IGF2BP3: variants seen among roughly 807,000 people sequenced by gnomAD.
The protein encoded by IGF2BP3 is insulin like growth factor 2 mRNA binding protein 3, also known as insulin-like growth factor 2 mRNA-binding protein 3.
Under a neutral mutation model 73.8 loss-of-function variants are expected in IGF2BP3, and 9 were observed. The ratio of observed to expected loss-of-function variants is 0.12; its 90% CI spans 0.07 to 0.21. The LOEUF (loss-of-function observed/expected upper bound fraction) is 0.21, where lower values mean the gene tolerates loss of function less well. IGF2BP3 is among the 10% of genes least tolerant of loss of function. The probability of loss-of-function intolerance (pLI) is 1.00; values close to 1 mark genes in which losing one functional copy is unlikely to be tolerated. For synonymous variants in IGF2BP3, 258 were observed against 256.7 expected (o/e 1.01, Z -0.05); for missense variants, 542 against 714.0 (o/e 0.76, Z 2.75).
At chr7:23,376,632 C>T (rs900057311) in intron 3 of IGF2BP3, among the ~76,000 whole-genome samples, 47 of 152,018 alleles carry the variant, frequency 3.1e-4, no homozygotes, top group Non-Finnish European at 1.8e-4. Flanking sequence ...TTGGGAGGCC[C>T]GAGGCAGGCG....
chr7:23,415,490 C>A (rs1787162963), intron 3 of IGF2BP3: 1 of 241,940 alleles, frequency 4.1e-6, no homozygotes, highest in Admixed American at 6.4e-5. Context: ...TCCGCAGGTC[C>A]CCCTCCGTCA....
At chr7:23,443,102 A>AT (rs34674050) in intron 2 of IGF2BP3, among the ~76,000 whole-genome samples, 4,482 of 85,840 alleles carry the variant, frequency 0.052, 998 homozygotes, top group African/African-American at 0.14. Context: ...CATTACAGTG[A>AT]TTTTTTTTTT....
chr7:23,431,388 T>A (rs558141802), intron 2 of IGF2BP3: 2 of 152,160 alleles, frequency 1.3e-5, no homozygotes, highest in Non-Finnish European at 2.9e-5. Flanking sequence ...AAAATTCCTA[T>A]AGATTTTATA....
chr7:23,310,976 G>C lies in IGF2BP3; in HGVS notation c.*1386C>G, dbSNP rs1354301499. ...TGAGCAAATGAGTTCGTTATCAAAG[G>C]TCATATGTTTTCACAGTCATTCAAA... On this transcript the variant is annotated 3_prime_UTR_variant, in exon 15 of 15. Coordinates refer to ENST00000258729, the MANE Select transcript of IGF2BP3 (RefSeq NM_006547.3). The C allele has an allele frequency of 6.6e-6, 1 of 152,060 alleles. No homozygotes were observed. Among genetic ancestry groups the C allele is most frequent in the African/African-American group, 2.4e-5 (1 of 41,402 alleles). The allele number at this position is 152,060 out of a possible 1,614,324, so 9.4% of individuals were successfully genotyped here. A position where few individuals can be genotyped will look rare whatever the true frequency, so the allele number is the denominator to read the frequency against.
chr7:23,416,542 T>C (rs1039831613), intron 3 of IGF2BP3, among the ~76,000 whole-genome samples: 1 of 152,258 alleles, frequency 6.6e-6, no homozygotes, highest in Non-Finnish European at 1.5e-5. Flanking sequence ...GTTGAACCTA[T>C]TGAGATAAGA....
In IGF2BP3 at chr7:23,322,041, T is replaced by C. The variant is rs1220010639; in HGVS notation, c.1204-2787A>G. The stretch of plus-strand genomic sequence containing the variant: ...CCTCTCCTTCTCCAAAGGAACACAG[T>C]TCCTCACCAGCAACAGAGCAAAGCT... On this transcript the variant is annotated intron_variant, in intron 10 of 14. Transcript: ENST00000258729. 4.6e-5 allele frequency among the ~76,000 whole-genome samples: 7 copies of C among 152,208 alleles called. No individual in the cohort carries two copies. In the East Asian group the frequency reaches 1.2e-3, roughly 25 times the overall value.
intron 3 of IGF2BP3, among the ~76,000 whole-genome samples, chr7:23,387,425 G>A (rs1173674715): frequency 6.6e-6 from 1 of 152,152 alleles, no homozygotes; most frequent in Non-Finnish European, 1.5e-5. Flanking sequence ...ACAGATAAAG[G>A]ATATTAGGTA....
chr7:23,413,876 T>G (rs748349111), intron 3 of IGF2BP3: 1 of 152,008 alleles, frequency 6.6e-6, no homozygotes, highest in Non-Finnish European at 1.5e-5. Flanking sequence ...TAGCAGTGAG[T>G]CCTTCAGAAA....
chr7:23,455,818 T>C (rs963330646), intron 2 of IGF2BP3, among the ~76,000 whole-genome samples: 2 of 152,110 alleles, frequency 1.3e-5, no homozygotes, highest in Non-Finnish European at 2.9e-5. Flanking sequence ...CCTGAGTAAC[T>C]GGGACTACAG....
At chr7:23,332,880 G>A (rs1784478159) in intron 10 of IGF2BP3, among the ~76,000 whole-genome samples, 2 of 152,140 alleles carry the variant, frequency 1.3e-5, no homozygotes, top group Non-Finnish European at 2.9e-5. Flanking sequence ...AAAATTAAGG[G>A]TGGGATCTAA....
intron 3 of IGF2BP3, among the ~76,000 whole-genome samples, chr7:23,364,519 G>T (rs1296276131): frequency 1.7e-5 from 2 of 118,738 alleles, no homozygotes; most frequent in East Asian, 5.7e-4. Context: ...CTGCATTCCA[G>T]CCTGGGAAAC....
At chr7:23,406,546 G>A (rs555705169) in intron 3 of IGF2BP3, among the ~76,000 whole-genome samples, 13 of 152,184 alleles carry the variant, frequency 8.5e-5, no homozygotes, top group East Asian at 5.8e-4. Flanking sequence ...GAGTGAAGCC[G>A]CAGACCTTTG....
At chr7:23,357,941 G>A (rs942591483) in intron 5 of IGF2BP3, among the ~76,000 whole-genome samples, 9 of 152,230 alleles carry the variant, frequency 5.9e-5, no homozygotes, top group African/African-American at 2.2e-4. Context: ...TGGCTCCTCA[G>A]CATCAGTGAC....
At chr7:23,350,025 A>G (rs1018770327) in intron 6 of IGF2BP3, among the ~76,000 whole-genome samples, 2 of 152,134 alleles carry the variant, frequency 1.3e-5, no homozygotes, top group African/African-American at 4.8e-5. Context: ...CATTCAGGTA[A>G]CCAGCACCCA....
intron 2 of IGF2BP3, among the ~76,000 whole-genome samples, chr7:23,428,486 A>G (rs946089559): frequency 2.7e-5 from 4 of 150,738 alleles, no homozygotes; most frequent in African/African-American, 9.7e-5. Flanking sequence ...AAAGAAAAAA[A>G]TATTATTGGC....
chr7:23,399,101 G>A (rs2128524759), intron 3 of IGF2BP3, among the ~76,000 whole-genome samples: 1 of 152,240 alleles, frequency 6.6e-6, no homozygotes, highest in South Asian at 2.1e-4. Context: ...GTGTAAGGAA[G>A]GGATCCAGTT....
chr7:23,392,451 T>TATATATATAC (rs367599162), intron 3 of IGF2BP3, among the ~76,000 whole-genome samples: 2 of 144,224 alleles, frequency 1.4e-5, no homozygotes, highest in East Asian at 4.2e-4. Context: ...TATATATATA[T>TATATATATAC]ACACACACAC....
chr7:23,349,318 TTG>T (rs1299295790), intron 6 of IGF2BP3, among the ~76,000 whole-genome samples: 6 of 152,192 alleles, frequency 3.9e-5, no homozygotes, highest in Non-Finnish European at 5.9e-5. Context: ...AAATGTTTGG[TTG>T]AAATCTGAAG....
intron 12 of IGF2BP3, among the ~76,000 whole-genome samples, chr7:23,317,068 A>G (rs1562666060): frequency 6.6e-6 from 1 of 152,230 alleles, no homozygotes; most frequent in Non-Finnish European, 1.5e-5. Flanking sequence ...GCCAAGTCTC[A>G]GCTCTACCAT....
Sources: gnomAD v4.1 joint callset for allele counts (sites outside exome capture counted in the v4.1 genomes callset) on GRCh38, gnomAD v4.1.1 for gene constraint, MANE v1.5 for transcripts, NCBI Gene and HGNC (gene_info 2026-07-23, HGNC 2026-07-21) for gene names.